ADAMTS17: variants seen among roughly 807,000 people sequenced by gnomAD.
ADAMTS17 encodes the protein A disintegrin and metalloproteinase with thrombospondin motifs 17.
In ADAMTS17, 113 loss-of-function variants were observed where a neutral mutation model predicts 141.5. The ratio of observed to expected loss-of-function variants is 0.80; its 90% CI spans 0.69 to 0.93. The LOEUF (loss-of-function observed/expected upper bound fraction) is 0.93, where lower values mean the gene tolerates loss of function less well. Among genes scored for constraint, ADAMTS17 ranks in the 40% least tolerant of loss-of-function variants. The pLI, the probability that ADAMTS17 is intolerant of heterozygous loss-of-function variation, is 0.00. For synonymous variants in ADAMTS17, 768 were observed against 630.6 expected (o/e 1.22, Z -3.27); for missense variants, 1,659 against 1,517.9 (o/e 1.09, Z -1.54).
At chr15:100,141,913 A>C (rs943467297) in intron 10 of ADAMTS17, among the ~76,000 whole-genome samples, 1 of 152,226 alleles carries the variant, frequency 6.6e-6, no homozygotes, top group Non-Finnish European at 1.5e-5. Flanking sequence ...AAGTCCACGC[A>C]CTACCGTACA....
chr15:99,982,658 C>A (rs890562108), intron 20 of ADAMTS17, among the ~76,000 whole-genome samples: 2 of 152,218 alleles, frequency 1.3e-5, no homozygotes, highest in African/African-American at 4.8e-5. Flanking sequence ...GCAAACAGAT[C>A]TATAAAAAAC....
At chr15:100,084,118 C>T (rs1284967723) in intron 15 of ADAMTS17, among the ~76,000 whole-genome samples, 1 of 152,092 alleles carries the variant, frequency 6.6e-6, no homozygotes, top group East Asian at 1.9e-4. Flanking sequence ...ACAGACGGCA[C>T]CTGGAAAATC....
chr15:100,269,132 G>C (rs978476685), intron 4 of ADAMTS17, among the ~76,000 whole-genome samples: 1 of 152,180 alleles, frequency 6.6e-6, no homozygotes, highest in African/African-American at 2.4e-5. Flanking sequence ...ATGAACTCAA[G>C]ATGGATTAAA....
intron 7 of ADAMTS17, among the ~76,000 whole-genome samples, chr15:100,204,121 T>A (rs945938177): frequency 5.9e-5 from 9 of 152,182 alleles, no homozygotes; most frequent in African/African-American, 2.2e-4. Flanking sequence ...TCTTTTTCAG[T>A]AGAAAACTAC....
chr15:100,066,638 G>C (rs1825064), intron 15 of ADAMTS17, among the ~76,000 whole-genome samples: 99,437 of 152,024 alleles, frequency 0.65, 35,126 homozygotes, highest in Non-Finnish European at 0.8. Flanking sequence ...TTCTAAATTG[G>C]TTGTTATTGT....
intron 18 of ADAMTS17, among the ~76,000 whole-genome samples, chr15:100,016,190 G>A (rs1007555716): frequency 2.0e-5 from 3 of 152,196 alleles, no homozygotes; most frequent in Non-Finnish European, 2.9e-5. Flanking sequence ...TTCTGTAAGT[G>A]TGTCCAATGT....
chr15:100,323,255 T>C (rs937207274), intron 3 of ADAMTS17, among the ~76,000 whole-genome samples: 7 of 152,192 alleles, frequency 4.6e-5, no homozygotes, highest in African/African-American at 1.4e-4. Flanking sequence ...CATGCAAGCA[T>C]TATCACCCTT....
intron 7 of ADAMTS17, among the ~76,000 whole-genome samples, chr15:100,221,617 C>T (rs997750450): frequency 2.0e-4 from 31 of 152,144 alleles, no homozygotes; most frequent in African/African-American, 6.5e-4. Flanking sequence ...AGCCATACGC[C>T]AAGTCAGTCA....
chr15:100,104,590 T>C (rs1426307365), intron 14 of ADAMTS17, among the ~76,000 whole-genome samples: 5 of 152,156 alleles, frequency 3.3e-5, no homozygotes, highest in Non-Finnish European at 4.4e-5. Flanking sequence ...TACCCCAAAA[T>C]AGCACAATTT....
chr15:100,328,269 A>C (rs2045952074), intron 3 of ADAMTS17, among the ~76,000 whole-genome samples: 1 of 152,212 alleles, frequency 6.6e-6, no homozygotes, highest in Admixed American at 6.5e-5. Flanking sequence ...TAAACTCCTG[A>C]TGTTTGAAAG....
intron 7 of ADAMTS17, among the ~76,000 whole-genome samples, chr15:100,233,835 A>G (rs1254643955): frequency 1.3e-5 from 2 of 151,800 alleles, no homozygotes; most frequent in South Asian, 2.1e-4. Context: ...CTGGCAAGGG[A>G]AGGAGGAGGC....
intron 12 of ADAMTS17, 145 bp from the exon 13 acceptor site, chr15:100,117,158 A>C (rs2037190611): frequency 1.1e-6 from 1 of 914,804 alleles, no homozygotes; most frequent in Non-Finnish European, 1.7e-6. Flanking sequence ...TTACAGACCA[A>C]ATGCCCACAA....
At chr15:100,131,912 C>G in intron 12 of ADAMTS17, 95 bp downstream of exon 12, 13 of 1,581,446 alleles carry the variant, frequency 8.2e-6, no homozygotes, top group Non-Finnish European at 1.1e-5. Flanking sequence ...TAATGCTCAG[C>G]GGGAGACAGA....
At chr15:100,217,985 A>G (rs1390316057) in intron 7 of ADAMTS17, among the ~76,000 whole-genome samples, 1 of 152,246 alleles carries the variant, frequency 6.6e-6, no homozygotes, top group Non-Finnish European at 1.5e-5. Flanking sequence ...GGCTCAGGGC[A>G]TCCTCCCACC....
intron 8 of ADAMTS17, among the ~76,000 whole-genome samples, chr15:100,195,396 T>C (rs1016626385): frequency 3.3e-5 from 5 of 152,118 alleles, no homozygotes; most frequent in African/African-American, 1.2e-4. Context: ...TTAATGATGA[T>C]ATAGGAGAGG....
Position 100,096,275 on chromosome 15 carries a change from G to A in ADAMTS17, c.2137+81C>T. On this transcript the variant is annotated intron_variant, in intron 15 of 21. Transcript: ENST00000268070. ...ACCATCTAGCCCTTAAATATGAAAT[G>A]TAGGGAAGACTGCAATCAATAGCTG... 5.0e-6 allele frequency: 8 copies of A among 1,598,690 alleles called. No individual in the cohort carries two copies. In the South Asian group the frequency reaches 7.7e-5, roughly 15 times the overall value.
chr15:99,992,162 A>T (rs2060702554), intron 20 of ADAMTS17, among the ~76,000 whole-genome samples: 1 of 151,504 alleles, frequency 6.6e-6, no homozygotes. Context: ...CACTTTCTGC[A>T]CATGTACCTC....
At chr15:100,341,521 G>T in intron 1 of ADAMTS17, 112 bp from the exon 2 acceptor site, 1 of 962,548 alleles carries the variant, frequency 1.0e-6, no homozygotes, top group Non-Finnish European at 1.2e-6. Context: ...AGCCGGCGCT[G>T]CCTTCCCTTC....
rs1308963007 is a variant in ADAMTS17 at position 99,971,703 on chromosome 15, A to T, written c.*2699T>A. On this transcript the variant is annotated 3_prime_UTR_variant, in exon 22 of 22. Coordinates refer to ENST00000268070, the MANE Select transcript of ADAMTS17 (RefSeq NM_139057.4). ...GGCTCTTTTCCTGCATTCTGATCCTATCCAGCAACGGTCAGCTGAGAGGGT... is the reference window on the plus strand; with the variant it reads ...GGCTCTTTTCCTGCATTCTGATCCTTTCCAGCAACGGTCAGCTGAGAGGGT... 2 of 152,248 alleles carry T rather than the reference A, an allele frequency of 1.3e-5. No individual in the cohort carries two copies. The highest frequency in any genetic ancestry group is 2.9e-5 in the Non-Finnish European group (2 of 68,044). The allele number at this position is 152,248 out of a possible 1,614,324, so 9.4% of individuals were successfully genotyped here.
Sources: gnomAD v4.1 joint callset for allele counts (sites outside exome capture counted in the v4.1 genomes callset) on GRCh38, gnomAD v4.1.1 for gene constraint, MANE v1.5 for transcripts, NCBI Gene and HGNC (gene_info 2026-07-23, HGNC 2026-07-21) for gene names.